The following ASB3 variants were observed in gnomAD, a reference collection of about 807,000 sequenced individuals.
ASB3 encodes ankyrin repeat and SOCS box containing 3.
Under a neutral mutation model 54.5 loss-of-function variants are expected in ASB3, and 41 were observed. The ratio of observed to expected loss-of-function variants is 0.75; its 90% CI spans 0.59 to 0.98. The LOEUF (loss-of-function observed/expected upper bound fraction) is 0.98. Ranked by LOEUF, ASB3 falls within the 50% of genes least tolerant of loss-of-function variation. The pLI is 0.00. For missense variants in ASB3, 733 were observed against 620.0 expected (o/e 1.18, Z -1.94); for synonymous variants, 266 against 221.2 (o/e 1.20, Z -1.80).
chr2:53,696,299 A>G (rs571500793), intron 8 of ASB3, among the ~76,000 whole-genome samples: 1 of 152,288 alleles, frequency 6.6e-6, no homozygotes, highest in East Asian at 1.9e-4. Context: ...CTAGTTCTTA[A>G]TTCTTTTCTA....
intron 9 of ASB3, among the ~76,000 whole-genome samples, chr2:53,680,264 A>T (rs184717708): frequency 4.6e-5 from 7 of 152,328 alleles, no homozygotes; most frequent in Admixed American, 4.6e-4. Context: ...ATACCCAGTT[A>T]TGGGATTGCT....
intron 9 of ASB3, among the ~76,000 whole-genome samples, chr2:53,678,014 T>C (rs960544771): frequency 2.6e-5 from 4 of 152,326 alleles, no homozygotes; most frequent in Non-Finnish European, 5.9e-5. Context: ...TATTATTTTA[T>C]TGTATATATT....
At chr2:53,715,714 C>T (rs574056647) in intron 6 of ASB3, among the ~76,000 whole-genome samples, 176 of 152,028 alleles carry the variant, frequency 1.2e-3, no homozygotes, top group Non-Finnish European at 2.2e-3. Flanking sequence ...TTATACTCTC[C>T]CACAAGACAT....
chr2:53,712,386 A>G (rs1219842436), intron 7 of ASB3, among the ~76,000 whole-genome samples: 6 of 152,208 alleles, frequency 3.9e-5, no homozygotes, highest in Non-Finnish European at 7.3e-5. Context: ...TGCTCTCTAC[A>G]TAACAAAATG....
At chr2:53,705,492 C>T (rs1368984853) in intron 7 of ASB3, among the ~76,000 whole-genome samples, 1 of 152,232 alleles carries the variant, frequency 6.6e-6, no homozygotes, top group Non-Finnish European at 1.5e-5. Context: ...TTCTTTGATC[C>T]GGGGAGAGAC....
intron 2 of ASB3, among the ~76,000 whole-genome samples, chr2:53,758,887 C>A (rs1255172602): frequency 6.6e-6 from 1 of 152,044 alleles, no homozygotes; most frequent in Non-Finnish European, 1.5e-5. Flanking sequence ...AGAATTCGGC[C>A]CAGAGTGTAT....
At chr2:53,731,014 A>C (rs1422647106) in intron 3 of ASB3, among the ~76,000 whole-genome samples, 1 of 152,208 alleles carries the variant, frequency 6.6e-6, no homozygotes. Context: ...TTATTACTGA[A>C]GACAAGTAAC....
rs1274147076 is a variant in ASB3 at position 53,774,003 on chromosome 2, A to G, written c.-13-8418T>C. 5 of 958,188 alleles carry G rather than the reference A, an allele frequency of 5.2e-6. No homozygotes were observed. The East Asian group carries it at 1.3e-4, about 25-fold the overall frequency. The allele number at this position is 958,188 out of a possible 1,614,324, so 59.4% of individuals were successfully genotyped here. On this transcript the variant is annotated intron_variant, in intron 1 of 9. Coordinates refer to ENST00000263634, the MANE Select transcript of ASB3 (RefSeq NM_016115.5). Reference sequence around the variant, plus strand: ...TAGGCCACGATCGTGCCACTGCACCACAGCCTGGGCAACAGACAAGACTTC... The same window carrying G: ...TAGGCCACGATCGTGCCACTGCACCGCAGCCTGGGCAACAGACAAGACTTC...
chr2:53,680,242 T>C (rs1668296663), intron 9 of ASB3, among the ~76,000 whole-genome samples: 1 of 152,190 alleles, frequency 6.6e-6, no homozygotes, highest in Non-Finnish European at 1.5e-5. Context: ...AGATTTCTAT[T>C]CCTAAGGGTA....
intron 9 of ASB3, among the ~76,000 whole-genome samples, chr2:53,692,421 G>T (rs911837092): frequency 3.9e-5 from 6 of 152,122 alleles, no homozygotes; most frequent in African/African-American, 1.4e-4. Context: ...AAACAAACCA[G>T]AAAACCATTA....
chr2:53,742,417 A>G (rs535900529), intron 3 of ASB3, among the ~76,000 whole-genome samples: 3 of 152,214 alleles, frequency 2.0e-5, no homozygotes, highest in Non-Finnish European at 4.4e-5. Context: ...GAAAAGTTAT[A>G]GAAAAACAAT....
At chr2:53,716,155 C>T (rs1041864526) in intron 6 of ASB3, among the ~76,000 whole-genome samples, 4 of 152,176 alleles carry the variant, frequency 2.6e-5, no homozygotes, top group African/African-American at 9.7e-5. Flanking sequence ...GGGAGGACTA[C>T]TTAGCACACA....
intron 3 of ASB3, among the ~76,000 whole-genome samples, chr2:53,741,777 C>A (rs1438300863): frequency 1.3e-5 from 2 of 152,092 alleles, no homozygotes; most frequent in Non-Finnish European, 2.9e-5. Context: ...TCTTAGAAAT[C>A]ATCCAAAAGC....
intron 9 of ASB3, among the ~76,000 whole-genome samples, chr2:53,690,290 A>T (rs1236343656): frequency 6.6e-6 from 1 of 152,156 alleles, no homozygotes; most frequent in Non-Finnish European, 1.5e-5. Context: ...AACTGAGTTG[A>T]GACATACAAT....
At chr2:53,777,479 C>A (rs1674404837) in intron 1 of ASB3, among the ~76,000 whole-genome samples, 1 of 152,146 alleles carries the variant, frequency 6.6e-6, no homozygotes, top group South Asian at 2.1e-4. Context: ...TCATCAAATC[C>A]TAGGCTTCAA....
chr2:53,732,421 A>G (rs1048593524), intron 3 of ASB3, among the ~76,000 whole-genome samples: 1 of 152,210 alleles, frequency 6.6e-6, no homozygotes, highest in Non-Finnish European at 1.5e-5. Flanking sequence ...TTCATACATC[A>G]TTATCAGTGA....
At position 53,679,291 on chromosome 2, in the gene ASB3, T is replaced by C. The variant is rs148275146; in HGVS notation, c.1370-8601A>G. Among the ~76,000 whole-genome samples the C allele has an allele frequency of 2.6e-5, 4 of 152,326 alleles. No individual in the cohort carries two copies. The East Asian group carries it at 7.7e-4, about 29-fold the overall frequency. ...GGGTTTTGCTCTGCAAATCTTTCAA[T>C]GGTTCTCAATTGGTTTCCCACAGCA... On this transcript the variant is annotated intron_variant, in intron 9 of 9. Transcript: ENST00000263634.
chr2:53,767,808 G>T lies in ASB3; in HGVS notation c.-13-2223C>A, dbSNP rs1420686857. 4.6e-6 allele frequency: 7 copies of T among 1,523,134 alleles called. No homozygotes were observed. In the South Asian group the frequency reaches 8.5e-5, roughly 19 times the overall value. The allele number at this position is 1,523,134 out of a possible 1,614,324, so 94.4% of individuals were successfully genotyped here. A position where few individuals can be genotyped will look rare whatever the true frequency, so the allele number is the denominator to read the frequency against. ...CTGCGCCCCGCGCGGCCGGTTACTC[G>T]CTTACCGGAGGCTTCAGTCCCCGGC... On this transcript the variant is annotated intron_variant, in intron 1 of 9. Transcript: ENST00000263634.
At chr2:53,781,361 A>G (rs961757550) in intron 1 of ASB3, among the ~76,000 whole-genome samples, 1 of 151,990 alleles carries the variant, frequency 6.6e-6, no homozygotes, top group African/African-American at 2.4e-5. Context: ...ACAATGAGCC[A>G]AAACCATGCC....
Sources: gnomAD v4.1 joint callset for allele counts (sites outside exome capture counted in the v4.1 genomes callset) on GRCh38, gnomAD v4.1.1 for gene constraint, MANE v1.5 for transcripts, NCBI Gene and HGNC (gene_info 2026-07-23, HGNC 2026-07-21) for gene names.